The following EZR variants were observed in gnomAD, a reference collection of about 807,000 sequenced individuals.
EZR encodes the protein cytovillin 2.
EZR carries 40 observed loss-of-function variants against 74.8 expected under a neutral mutation model. The observed-to-expected ratio is 0.53, with a 90% CI of 0.42 to 0.70. EZR has a LOEUF of 0.70. EZR is among the 30% of genes least tolerant of loss of function. The probability of loss-of-function intolerance (pLI) is 0.00; values close to 1 mark genes in which losing one functional copy is unlikely to be tolerated. For synonymous variants in EZR, 341 were observed against 283.3 expected, an observed-to-expected ratio of 1.20 and a Z score of -2.05; for missense variants, 678 against 755.8, an observed-to-expected ratio of 0.90 and a Z score of 1.21.
chr6:158,800,002 G>A (rs17586838), intron 2 of EZR, among the ~76,000 whole-genome samples: 3,385 of 152,126 alleles, frequency 0.022, 51 homozygotes, highest in Non-Finnish European at 0.034. Flanking sequence ...ACCCAATGAC[G>A]ACTTTTTACA....
chr6:158,766,842 A>G lies in EZR; in HGVS notation c.*72T>C, dbSNP rs1209454095. The G allele has an allele frequency of 1.4e-5, 16 of 1,173,050 alleles. No homozygotes were observed. In the East Asian group the frequency reaches 2.1e-4, roughly 15 times the overall value. 72.7% of individuals were successfully genotyped at this position (1,173,050 alleles called of 1,614,324 possible). On this transcript the variant is annotated 3_prime_UTR_variant, in exon 14 of 14. Transcript: ENST00000367075. ...AGGGAGTTCCTAGACTTGGAGCACTAAAGACACAAGCGTGGCGGGGCTGGC... is the reference window on the plus strand; with the variant it reads ...AGGGAGTTCCTAGACTTGGAGCACTGAAGACACAAGCGTGGCGGGGCTGGC...
At chr6:158,813,827 T>C (rs1583591711) in intron 2 of EZR, among the ~76,000 whole-genome samples, 1 of 152,340 alleles carries the variant, frequency 6.6e-6, no homozygotes, top group Non-Finnish European at 1.5e-5. Context: ...TTGGAGCCAC[T>C]TAAAGGCAGT....
intron 11 of EZR, among the ~76,000 whole-genome samples, 174 bp from the exon 12 acceptor site, chr6:158,769,592 A>G (rs1791032465): frequency 6.6e-6 from 1 of 151,864 alleles, no homozygotes; most frequent in African/African-American, 2.4e-5. Flanking sequence ...CTCTTCCTGG[A>G]TGCCCACACC....
chr6:158,797,003 T>C (rs1192025056), intron 2 of EZR, among the ~76,000 whole-genome samples: 1 of 152,246 alleles, frequency 6.6e-6, no homozygotes, highest in Non-Finnish European at 1.5e-5. Context: ...TCTATGAATA[T>C]AATTGCTGAA....
In EZR at chr6:158,785,415, T is replaced by C. The variant is rs1259199029; in HGVS notation, c.361A>G (p.Thr121Ala). 2 of 1,614,058 alleles carry C rather than the reference T, an allele frequency of 1.2e-6. No individual in the cohort carries two copies. Among genetic ancestry groups the C allele is most frequent in the African/African-American group, 2.7e-5 (2 of 74,922 alleles). Residue 121 changes from threonine (T) to alanine (A), a missense_variant, in exon 5 of 14, where the codon ACT becomes GCT. Physicochemically the swap from Thr to Ala is moderately conservative, Grantham distance 58. Coordinates refer to ENST00000367075, the MANE Select transcript of EZR (RefSeq NM_001111077.2). Reference protein sequence around the residue: ...LSDEIYCPPETAVLLGSYAVQ... With the variant: ...LSDEIYCPPEAAVLLGSYAVQ... ...GCGTAGGACCCCAAGAGCACGGCAG[T>C]CTCAGGGGGGCAGTAGATCTCATCG...
chr6:158,775,705 T>C (rs915851579), intron 8 of EZR, among the ~76,000 whole-genome samples: 1 of 152,244 alleles, frequency 6.6e-6, no homozygotes, highest in Non-Finnish European at 1.5e-5. Flanking sequence ...GATAACAAAA[T>C]CCTTACCCAT....
chr6:158,776,408 A>C lies in EZR; in HGVS notation c.795T>G (p.Pro265=), dbSNP rs147363431. The C allele has an allele frequency of 1.4e-3, 2,281 of 1,611,216 alleles. No homozygotes were observed. Among genetic ancestry groups the C allele is most frequent in the Non-Finnish European group, 1.8e-3 (2,155 of 1,177,336 alleles). ...CTGAATAGAATCCTTTGGAACTTAC[A>C]GGTGCCTTCTTGTCGATGGGTTTAA... ...FVIKPIDKKA[P]DFVFYAPRLR... Residue 265 remains proline, a splice_region_variant and synonymous_variant, in exon 8 of 14, where the codon CCT becomes CCG. Transcript: ENST00000367075.
At chr6:158,781,084 C>G (rs1463221646) in intron 7 of EZR, among the ~76,000 whole-genome samples, 2 of 152,120 alleles carry the variant, frequency 1.3e-5, no homozygotes, top group African/African-American at 2.4e-5. Context: ...GCTTTCTCAC[C>G]TGAACAATGT....
At chr6:158,783,425 A>C in intron 7 of EZR, 95 bp downstream of exon 7, 4 of 1,115,564 alleles carry the variant, frequency 3.6e-6, no homozygotes, top group Middle Eastern at 3.9e-4. Context: ...GTTGCTAAAT[A>C]AATACTTCAA....
At position 158,807,208 on chromosome 6, in the gene EZR, G is replaced by A. The variant is rs370619734; in HGVS notation, c.12+10874C>T. Among the ~76,000 whole-genome samples the A allele has an allele frequency of 2.8e-4, 42 of 152,054 alleles. No homozygotes were observed. In the East Asian group the frequency reaches 5.0e-3, roughly 18 times the overall value. On this transcript the variant is annotated intron_variant, in intron 2 of 13. Coordinates refer to ENST00000367075, the MANE Select transcript of EZR (RefSeq NM_001111077.2). ...CTGGCGCCTGTAGTCCCAGCTACTC[G>A]GGAGGCTGAGGCAGGAGAATGGCGT...
At chr6:158,797,134 A>G (rs1253060918) in intron 2 of EZR, among the ~76,000 whole-genome samples, 1 of 152,192 alleles carries the variant, frequency 6.6e-6, no homozygotes, top group Non-Finnish European at 1.5e-5. Context: ...GGTTACCTCT[A>G]CAATCACACT....
At chr6:158,810,088 T>C (rs1027843545) in intron 2 of EZR, among the ~76,000 whole-genome samples, 13 of 152,230 alleles carry the variant, frequency 8.5e-5, no homozygotes, top group South Asian at 2.1e-4. Flanking sequence ...CAAAATCTGA[T>C]ATACTGACTA....
At chr6:158,790,686 C>CAAA (rs148357534) in intron 2 of EZR, among the ~76,000 whole-genome samples, 8 of 113,232 alleles carry the variant, frequency 7.1e-5, no homozygotes, top group South Asian at 3.0e-4. Context: ...AACAAACAAA[C>CAAA]AAAAAAAACC....
chr6:158,789,907 A>T (rs1397307077), intron 2 of EZR, among the ~76,000 whole-genome samples: 1 of 152,252 alleles, frequency 6.6e-6, no homozygotes, highest in Non-Finnish European at 1.5e-5. Flanking sequence ...GGCATGGGCC[A>T]CCCTGCCCAA....
At position 158,769,955 on chromosome 6, in the gene EZR, A is replaced by G; in HGVS notation, c.1091-11T>C. 1 of 1,607,958 alleles carries G rather than the reference A, an allele frequency of 6.2e-7. No homozygotes were observed. The highest frequency in any genetic ancestry group is 1.1e-5 in the South Asian group (1 of 91,076). On this transcript the variant is annotated splice_polypyrimidine_tract_variant and intron_variant, in intron 10 of 13. Transcript: ENST00000367075. ...TCTGCTCCGAGAGCTCTGCAAAGAC[A>G]CAAAGCCAGAGCCATTCAAACCCTC...
At chr6:158,799,747 T>C (rs1478615428) in intron 2 of EZR, among the ~76,000 whole-genome samples, 3 of 152,242 alleles carry the variant, frequency 2.0e-5, no homozygotes, top group African/African-American at 4.8e-5. Context: ...GATACTCTAA[T>C]TCGGTCAAGG....
chr6:158,804,301 G>A lies in EZR; in HGVS notation c.12+13781C>T, dbSNP rs1777281541. On this transcript the variant is annotated intron_variant, in intron 2 of 13. Transcript: ENST00000367075. ...AGAAAGGGAAAAGAAATAATCAAAG[G>A]ATGTTACATTCAGCAAAAGAAACTA... is the stretch of plus-strand genomic sequence containing the variant. Among the ~76,000 whole-genome samples, 4 of 152,112 alleles carry A rather than the reference G, an allele frequency of 2.6e-5. No homozygotes were observed. In the South Asian group the frequency reaches 8.3e-4, roughly 32 times the overall value.
At chr6:158,774,166 C>T (rs910005521) in intron 8 of EZR, among the ~76,000 whole-genome samples, 6 of 152,132 alleles carry the variant, frequency 3.9e-5, no homozygotes, top group East Asian at 1.9e-4. Flanking sequence ...AGTTCGATGT[C>T]GAAAACTTGA....
At chr6:158,795,254 AAAATAAAT>A (rs552039243) in intron 2 of EZR, among the ~76,000 whole-genome samples, 3 of 151,998 alleles carry the variant, frequency 2.0e-5, no homozygotes, top group South Asian at 2.1e-4. Context: ...TCCATCGCAA[AAAATAAAT>A]AAATAAATAA....
Sources: allele counts gnomAD v4.1 joint callset (sites outside exome capture counted in the v4.1 genomes callset), GRCh38; gene constraint gnomAD v4.1.1; transcripts MANE v1.5; gene names NCBI Gene and HGNC (gene_info 2026-07-23, HGNC 2026-07-21).